The following DBT variants were observed in gnomAD, a reference collection of about 807,000 sequenced individuals.
The protein encoded by DBT is dihydrolipoamide branched chain transacylase E2, also known as lipoamide acyltransferase component of branched-chain alpha-keto acid dehydrogenase complex, mitochondrial.
Under a neutral mutation model 51.3 loss-of-function variants are expected in DBT, and 40 were observed. The ratio of observed to expected loss-of-function variants is 0.78; its 90% CI spans 0.61 to 1.02. DBT has a LOEUF of 1.02. Among genes scored for constraint, DBT ranks in the 50% least tolerant of loss-of-function variants. The pLI is 0.00. For synonymous variants in DBT, 181 were observed against 190.4 expected (o/e 0.95, Z 0.41); for missense variants, 510 against 580.2 (o/e 0.88, Z 1.24).
chr1:100,211,800 C>G (rs564523915), intron 7 of DBT, among the ~76,000 whole-genome samples: 2 of 152,242 alleles, frequency 1.3e-5, no homozygotes, highest in East Asian at 3.9e-4. Flanking sequence ...GAGACAGGGT[C>G]TTTCTTTGTC....
chr1:100,232,005 A>G (rs1397802113), intron 3 of DBT, among the ~76,000 whole-genome samples: 2 of 152,232 alleles, frequency 1.3e-5, no homozygotes, highest in East Asian at 1.9e-4. Context: ...TCTGACTTTT[A>G]TATCTTTTCA....
rs1299403168 is a variant in DBT at position 100,195,287 on chromosome 1, T to C, written c.*968A>G. ...AAGGTGAAGGTCTTCCCCAAGAAAA[T>C]ACCAAAGCATTACCACAAATCTAAA... On this transcript the variant is annotated 3_prime_UTR_variant, in exon 11 of 11. Coordinates refer to ENST00000370132, the MANE Select transcript of DBT (RefSeq NM_001918.5). 6.6e-6 allele frequency: 1 copy of C among 152,560 alleles called. No individual in the cohort carries two copies. The highest frequency in any genetic ancestry group is 1.5e-5 in the Non-Finnish European group (1 of 68,000). 9.5% of individuals were successfully genotyped at this position (152,560 alleles called of 1,614,324 possible).
intron 1 of DBT, among the ~76,000 whole-genome samples, chr1:100,246,983 C>G (rs1557964008): frequency 1.3e-5 from 2 of 151,896 alleles, no homozygotes; most frequent in Non-Finnish European, 2.9e-5. Flanking sequence ...AATACATGTG[C>G]AAAGGTCTGG....
intron 2 of DBT, among the ~76,000 whole-genome samples, chr1:100,239,842 A>C (rs1466605145): frequency 7.5e-6 from 1 of 133,624 alleles, no homozygotes; most frequent in Non-Finnish European, 1.5e-5. Flanking sequence ...CAGCCTGAGC[A>C]ACAGAGCTCA....
chr1:100,237,622 A>G (rs1468667100), intron 2 of DBT, among the ~76,000 whole-genome samples: 1 of 152,116 alleles, frequency 6.6e-6, no homozygotes. Context: ...GGTAAGAAGC[A>G]GAAGTATAGA....
chr1:100,195,661 T>C lies in DBT; in HGVS notation c.*594A>G, dbSNP rs147781191. On this transcript the variant is annotated 3_prime_UTR_variant, in exon 11 of 11. Coordinates refer to ENST00000370132, the MANE Select transcript of DBT (RefSeq NM_001918.5). ...TATGGCTACCTGTCTTTTAGTAACA[T>C]GAATTTTGTTTTTTTGTTTTTGAGA... 1.9e-3 allele frequency: 290 copies of C among 154,378 alleles called. 3 individuals are homozygous for C. The East Asian group carries it at 0.029, about 15-fold the overall frequency. The allele number at this position is 154,378 out of a possible 1,614,324, so 9.6% of individuals were successfully genotyped here.
chr1:100,213,966 AAGAG>A (rs1553230541), intron 7 of DBT, among the ~76,000 whole-genome samples: 1 of 135,862 alleles, frequency 7.4e-6, no homozygotes, highest in Admixed American at 7.5e-5. Context: ...AAAAAAAAAA[AAGAG>A]AGAGATAATG....
rs1660991426 is a variant in DBT at position 100,194,661 on chromosome 1, T to C, written c.*1594A>G. ...AGGCTAATTTTAAAAATAATGTTTT[T>C]TGAGATGGGATCTCACTATGTTGCC... is the stretch of plus-strand genomic sequence containing the variant. On this transcript the variant is annotated 3_prime_UTR_variant, in exon 11 of 11. Coordinates refer to ENST00000370132, the MANE Select transcript of DBT (RefSeq NM_001918.5). The C allele has an allele frequency of 6.6e-6, 1 of 152,288 alleles. No individual in the cohort carries two copies. Among genetic ancestry groups the C allele is most frequent in the Non-Finnish European group, 1.5e-5 (1 of 68,132 alleles). The allele number at this position is 152,288 out of a possible 1,614,324, so 9.4% of individuals were successfully genotyped here.
chr1:100,228,388 T>TA lies in DBT; in HGVS notation c.433+2344dup, dbSNP rs202161119. Reference sequence around the variant, plus strand: ...GTATGGTCCTATATTGGATCCTAGTTAAAAAAAAATCAATTGAAATATCAA... The same window carrying TA: ...GTATGGTCCTATATTGGATCCTAGTTAAAAAAAAAATCAATTGAAATATCAA... On this transcript the variant is annotated intron_variant, in intron 4 of 10. Transcript: ENST00000370132. Among the ~76,000 whole-genome samples, 1,450 of 151,726 alleles carry TA rather than the reference T, an allele frequency of 9.6e-3. 14 individuals are homozygous for TA. Among genetic ancestry groups the TA allele is most frequent in the Non-Finnish European group, 0.016 (1,070 of 67,864 alleles).
intron 8 of DBT, 32 bp from the exon 9 acceptor site, chr1:100,206,668 T>G: frequency 3.2e-6 from 4 of 1,250,116 alleles, no homozygotes; most frequent in Non-Finnish European, 4.7e-6. Flanking sequence ...AGTAGGGCTT[T>G]TAATGAATAA....
intron 4 of DBT, among the ~76,000 whole-genome samples, chr1:100,219,459 G>T (rs1225511826): frequency 6.6e-6 from 1 of 152,142 alleles, no homozygotes; most frequent in Admixed American, 6.5e-5. Flanking sequence ...GAAAGAATGG[G>T]CTGGGCACAA....
chr1:100,211,185 A>G, intron 7 of DBT: 1 of 765,670 alleles, frequency 1.3e-6, no homozygotes. Flanking sequence ...AGAACACGTA[A>G]CGAGGATTTC....
At chr1:100,197,409 T>TGGG (rs1406428470) in intron 10 of DBT, among the ~76,000 whole-genome samples, 1 of 152,124 alleles carries the variant, frequency 6.6e-6, no homozygotes, top group Non-Finnish European at 1.5e-5. Context: ...GGTCTGATGG[T>TGGG]GGGGGGCAGT....
At chr1:100,223,294 A>G (rs1301502495) in intron 4 of DBT, among the ~76,000 whole-genome samples, 1 of 152,236 alleles carries the variant, frequency 6.6e-6, no homozygotes, top group Non-Finnish European at 1.5e-5. Context: ...TTAAATAAAT[A>G]GAGGCTAGAG....
intron 10 of DBT, among the ~76,000 whole-genome samples, chr1:100,202,341 A>G (rs376260366): frequency 6.6e-6 from 1 of 152,364 alleles, no homozygotes; most frequent in East Asian, 1.9e-4. Flanking sequence ...AAAGGGATCA[A>G]TGCAACAAGA....
rs1189887973 is a variant in DBT at position 100,191,967 on chromosome 1, A to C, written c.*4288T>G. On this transcript the variant is annotated 3_prime_UTR_variant, in exon 11 of 11. Transcript: ENST00000370132. Reference sequence around the variant, plus strand: ...CGGCCTAATTTTTTTTTTTTTTGGTATTTTTTGTTTTTTGGTTTTTTTGGT... The same window carrying C: ...CGGCCTAATTTTTTTTTTTTTTGGTCTTTTTTGTTTTTTGGTTTTTTTGGT... 6.9e-6 allele frequency: 1 copy of C among 144,898 alleles called. No homozygotes were observed. Among genetic ancestry groups the C allele is most frequent in the Non-Finnish European group, 1.5e-5 (1 of 65,706 alleles). 9.0% of individuals were successfully genotyped at this position (144,898 alleles called of 1,614,324 possible).
At chr1:100,247,524 C>A (rs1348862894) in intron 1 of DBT, among the ~76,000 whole-genome samples, 3 of 151,586 alleles carry the variant, frequency 2.0e-5, no homozygotes, top group Non-Finnish European at 4.4e-5. Context: ...CATGGCAAAA[C>A]CCCGTCTCTA....
chr1:100,187,699 TA>T lies in DBT; in HGVS notation c.*8555del, dbSNP rs1233652802. The T allele has an allele frequency of 6.7e-6, 1 of 149,406 alleles. No homozygotes were observed. Among genetic ancestry groups the T allele is most frequent in the African/African-American group, 2.5e-5 (1 of 39,934 alleles). The allele number at this position is 149,406 out of a possible 1,614,324, so 9.3% of individuals were successfully genotyped here. A position where few individuals can be genotyped will look rare whatever the true frequency, so the allele number is the denominator to read the frequency against. ...ACCACCAGGCCTGGCTAACTTTTTG[TA>T]TTTTTTTTTTTTTTTTTGTAGAGAC... On this transcript the variant is annotated 3_prime_UTR_variant, in exon 11 of 11. Coordinates refer to ENST00000370132, the MANE Select transcript of DBT (RefSeq NM_001918.5).
intron 6 of DBT, 48 bp from the exon 7 acceptor site, chr1:100,215,031 TTCA>T (rs1409748981): frequency 9.3e-6 from 12 of 1,287,836 alleles, no homozygotes; most frequent in African/African-American, 1.7e-5. Context: ...CTCAAATCTC[TTCA>T]TCCTTTTTTT....
Sources: allele counts gnomAD v4.1 joint callset (sites outside exome capture counted in the v4.1 genomes callset), GRCh38; gene constraint gnomAD v4.1.1; transcripts MANE v1.5; gene names NCBI Gene and HGNC (gene_info 2026-07-23, HGNC 2026-07-21).